Variants in PROM1 observed in about 807,000 individuals in gnomAD.
The protein encoded by PROM1 is prominin-1.
PROM1 carries 105 observed loss-of-function variants against 116.9 expected under a neutral mutation model. That is an observed-to-expected ratio of 0.90 (90% CI 0.77 to 1.06). The LOEUF is 1.06. Ranked by LOEUF, PROM1 falls within the 50% of genes least tolerant of loss-of-function variation. The probability of loss-of-function intolerance (pLI) is 0.00; values close to 1 mark genes in which losing one functional copy is unlikely to be tolerated. For synonymous variants in PROM1, 393 were observed against 387.0 expected, an observed-to-expected ratio of 1.02 and a Z score of -0.18; for missense variants, 1,122 against 1,045.2, an observed-to-expected ratio of 1.07 and a Z score of -1.01.
At chr4:15,981,874 G>A (rs922301769) in intron 23 of PROM1, among the ~76,000 whole-genome samples, 1 of 152,122 alleles carries the variant, frequency 6.6e-6, no homozygotes, top group Non-Finnish European at 1.5e-5. Flanking sequence ...ATCCTTTCTT[G>A]AAAATTCTAA....
At position 15,971,098 on chromosome 4, in the gene PROM1, A is replaced by G. The variant is rs777970337; in HGVS notation, c.2583-16T>C. ...TTGTGATGGGCTAAAAAACAAAAAA[A>G]TAAAGAAATATAATACCCCCAACAA... On this transcript the variant is annotated splice_polypyrimidine_tract_variant and intron_variant, in intron 26 of 27. Coordinates refer to ENST00000447510, the MANE Select transcript of PROM1 (RefSeq NM_006017.3). 3 of 1,551,556 alleles carry G rather than the reference A, an allele frequency of 1.9e-6. No individual in the cohort carries two copies. Among genetic ancestry groups the G allele is most frequent in the East Asian group, 4.8e-5 (2 of 42,012 alleles).
chr4:16,006,495 C>G, intron 13 of PROM1, 43 bp downstream of exon 13: 1 of 1,537,396 alleles, frequency 6.5e-7, no homozygotes, highest in Non-Finnish European at 8.8e-7. Flanking sequence ...AGTCTCTCTC[C>G]TGCATTCCCA....
intron 19 of PROM1, among the ~76,000 whole-genome samples, chr4:15,988,198 T>A (rs562827447): frequency 6.6e-6 from 1 of 152,304 alleles, no homozygotes; most frequent in Admixed American, 6.5e-5. Context: ...TTTCTATGCC[T>A]CTGGTGTAAG....
intron 20 of PROM1, among the ~76,000 whole-genome samples, chr4:15,986,663 A>G (rs1185921111): frequency 6.6e-6 from 1 of 152,190 alleles, no homozygotes; most frequent in Non-Finnish European, 1.5e-5. Flanking sequence ...GTAGCAAAGC[A>G]CCTGCACGTA....
At chr4:15,979,765 T>G (rs1406980460) in intron 25 of PROM1, 116 bp downstream of exon 25, 2 of 1,058,618 alleles carry the variant, frequency 1.9e-6, no homozygotes, top group African/African-American at 1.6e-5. Context: ...CCTGTACAGA[T>G]CTGCTGTTTC....
intron 15 of PROM1, among the ~76,000 whole-genome samples, chr4:15,997,345 T>C (rs1324284275): frequency 6.7e-6 from 1 of 149,788 alleles, no homozygotes; most frequent in Admixed American, 6.7e-5. Flanking sequence ...GCATTTCTCT[T>C]AGCTCACTGT....
intron 26 of PROM1, among the ~76,000 whole-genome samples, chr4:15,975,713 A>G (rs147221098): frequency 4.5e-4 from 68 of 152,302 alleles, no homozygotes; most frequent in African/African-American, 1.6e-3. Context: ...GTCATTTCCT[A>G]ACCTTCTGCA....
intron 5 of PROM1, among the ~76,000 whole-genome samples, chr4:16,030,480 G>T (rs1732405274): frequency 6.6e-6 from 1 of 152,018 alleles, no homozygotes; most frequent in African/African-American, 2.4e-5. Flanking sequence ...ATCACAGCAT[G>T]CATTTTTAAA....
At chr4:15,986,076 T>G in intron 20 of PROM1, 39 bp from the exon 21 acceptor site, 1 of 1,416,492 alleles carries the variant, frequency 7.1e-7, no homozygotes, top group Non-Finnish European at 9.7e-7. Flanking sequence ...TATCAAGTCA[T>G]AGAAAGTTTT....
intron 13 of PROM1, chr4:16,003,427 A>G (rs186615536): frequency 2.8e-4 from 127 of 456,634 alleles, no homozygotes; most frequent in African/African-American, 2.1e-3. Flanking sequence ...AGCCTGACAA[A>G]CTGCTTTCCA....
Position 16,025,267 on chromosome 4 carries a change from G to T in PROM1, c.555C>A (p.Thr185=). The T allele has an allele frequency of 3.1e-6, 5 of 1,613,872 alleles. No homozygotes were observed. The highest frequency in any genetic ancestry group is 4.2e-6 in the Non-Finnish European group (5 of 1,179,794). Reference sequence around the variant, plus strand: ...CCAGTTTCCGACTCCTTTTGATCCGGGTTCTTACCTGGTGATTTGCCACAA... The same window carrying T: ...CCAGTTTCCGACTCCTTTTGATCCGTGTTCTTACCTGGTGATTTGCCACAA... ...YGFVANHQVR[T]RIKRSRKLAD... Residue 185 remains threonine, a synonymous_variant, in exon 6 of 28, where the codon ACC becomes ACA. Transcript: ENST00000447510.
chr4:16,052,207 T>G (rs936273872), intron 2 of PROM1, among the ~76,000 whole-genome samples: 2 of 152,166 alleles, frequency 1.3e-5, no homozygotes. Context: ...TCAAGCCTCC[T>G]TGGCAACTGA....
chr4:16,077,053 A>G (rs182890147), intron 1 of PROM1, among the ~76,000 whole-genome samples: 2,984 of 152,300 alleles, frequency 0.02, 102 homozygotes, highest in African/African-American at 0.068. Context: ...GGGAAGGGAA[A>G]GACCTGACTG....
At chr4:16,065,004 GC>G (rs897117974) in intron 2 of PROM1, among the ~76,000 whole-genome samples, 20 of 152,176 alleles carry the variant, frequency 1.3e-4, no homozygotes, top group Non-Finnish European at 2.4e-4. Context: ...GGCACCAAAG[GC>G]CACACTTTGC....
intron 13 of PROM1, among the ~76,000 whole-genome samples, chr4:16,004,581 C>A (rs1248370623): frequency 2.0e-5 from 3 of 152,090 alleles, no homozygotes; most frequent in Non-Finnish European, 4.4e-5. Context: ...AACAAACAAC[C>A]AAGTTAAATT....
At chr4:16,039,113 A>T (rs1734602495) in intron 2 of PROM1, 112 bp from the exon 3 acceptor site, 1 of 840,084 alleles carries the variant, frequency 1.2e-6, no homozygotes, top group Non-Finnish European at 1.6e-6. Flanking sequence ...TATTTCTATT[A>T]TTCTTATAAT....
chr4:15,979,936 A>AT, intron 24 of PROM1, 32 bp from the exon 25 acceptor site: 1 of 1,271,840 alleles, frequency 7.9e-7, no homozygotes. Context: ...GATAAAATTA[A>AT]TTTTTTTAAT....
At chr4:15,977,072 C>A (rs1437164933) in intron 26 of PROM1, among the ~76,000 whole-genome samples, 1 of 152,204 alleles carries the variant, frequency 6.6e-6, no homozygotes, top group Admixed American at 6.5e-5. Flanking sequence ...CTTTGGCAGG[C>A]CAACCTTGAC....
At chr4:15,979,316 G>A in intron 26 of PROM1, 79 bp downstream of exon 26, 5 of 1,601,432 alleles carry the variant, frequency 3.1e-6, no homozygotes, top group Non-Finnish European at 4.3e-6. Flanking sequence ...TCAGCAGCAT[G>A]CAGAAAATTC....
Sources: gnomAD v4.1 joint callset for allele counts (sites outside exome capture counted in the v4.1 genomes callset) on GRCh38, gnomAD v4.1.1 for gene constraint, MANE v1.5 for transcripts, NCBI Gene and HGNC (gene_info 2026-07-23, HGNC 2026-07-21) for gene names.